Variants in WDPCP observed in about 807,000 individuals in gnomAD.
WDPCP encodes WD repeat-containing and planar cell polarity effector protein fritz homolog.
A neutral mutation model predicts 93.1 loss-of-function variants in WDPCP; 71 were observed. That is an observed-to-expected ratio of 0.76 (90% CI 0.63 to 0.93). WDPCP has a LOEUF of 0.93. WDPCP is among the 40% of genes least tolerant of loss of function. The pLI is 0.00. For synonymous variants in WDPCP, 315 were observed against 315.0 expected, an observed-to-expected ratio of 1.00 and a Z score of 0.00; for missense variants, 844 against 887.4, an observed-to-expected ratio of 0.95 and a Z score of 0.62.
At chr2:63,498,886 AAG>A (rs1701382034) in intron 1 of WDPCP, among the ~76,000 whole-genome samples, 1 of 152,244 alleles carries the variant, frequency 6.6e-6, no homozygotes, top group African/African-American at 2.4e-5. Context: ...ATATGAGCAG[AAG>A]ACTGCAAAGA....
At chr2:63,776,277 A>T (rs998143713) in intron 2 of WDPCP, among the ~76,000 whole-genome samples, 1 of 152,142 alleles carries the variant, frequency 6.6e-6, no homozygotes, top group Non-Finnish European at 1.5e-5. Flanking sequence ...AGAATACATG[A>T]AGAACTATTG....
At position 63,732,118 on chromosome 2, in the gene WDPCP, A is replaced by C. The variant is rs571410539; in HGVS notation, n.309-81280T>G. ...ATGGTGTGTAGACACTCTTACAATA[A>C]AGTAGAAGCCAAATCCAAGACACAG... On this transcript the variant is annotated intron_variant and non_coding_transcript_variant, in intron 2 of 4. Coordinates refer to the WDPCP transcript ENST00000467687. Among the ~76,000 whole-genome samples, 7 of 152,330 alleles carry C rather than the reference A, an allele frequency of 4.6e-5. No homozygotes were observed. The South Asian group carries it at 1.5e-3, about 32-fold the overall frequency.
intron 2 of WDPCP, among the ~76,000 whole-genome samples, chr2:63,748,424 T>A (rs533675403): frequency 1.3e-5 from 2 of 152,178 alleles, no homozygotes; most frequent in South Asian, 2.1e-4. Context: ...GTTAACTAGA[T>A]GTTTTTATTA....
At chr2:63,210,192 C>T (rs1453177826) in intron 14 of WDPCP, among the ~76,000 whole-genome samples, 5 of 151,900 alleles carry the variant, frequency 3.3e-5, no homozygotes, top group Admixed American at 6.6e-5. Context: ...CTAATATAGG[C>T]TGTTAGGTTT....
intron 3 of WDPCP, among the ~76,000 whole-genome samples, chr2:63,599,011 A>G (rs762479842): frequency 2.0e-5 from 3 of 151,844 alleles, no homozygotes; most frequent in Non-Finnish European, 2.9e-5. Flanking sequence ...AAAGATTTTT[A>G]TAACTTAAAA....
chr2:63,503,980 C>G (rs1442268553), intron 1 of WDPCP, among the ~76,000 whole-genome samples: 1 of 151,684 alleles, frequency 6.6e-6, no homozygotes, highest in Non-Finnish European at 1.5e-5. Flanking sequence ...TGGCCCGCAG[C>G]TATACCACCT....
chr2:63,489,437 G>T (rs1246043405), intron 2 of WDPCP, among the ~76,000 whole-genome samples: 1 of 152,134 alleles, frequency 6.6e-6, no homozygotes, highest in African/African-American at 2.4e-5. Flanking sequence ...CCACTGAGAG[G>T]GCCTGGGAGC....
At chr2:63,437,797 C>G in intron 7 of WDPCP, 6 of 1,493,862 alleles carry the variant, frequency 4.0e-6, no homozygotes, top group Non-Finnish European at 5.5e-6. Flanking sequence ...ATTTGGGGAC[C>G]ACCAATGGAT....
At chr2:63,452,731 G>A (rs568851475) in intron 6 of WDPCP, among the ~76,000 whole-genome samples, 2 of 152,164 alleles carry the variant, frequency 1.3e-5, no homozygotes, top group African/African-American at 2.4e-5. Flanking sequence ...TATGGTACTG[G>A]TACCAAAACA....
intron 3 of WDPCP, chr2:63,597,187 A>C (rs899562495): frequency 5.4e-5 from 40 of 743,918 alleles, no homozygotes; most frequent in Non-Finnish European, 6.4e-5. Context: ...GTAATTATTG[A>C]AACAGGAAAA....
chr2:63,281,655 T>C (rs1424621110), intron 13 of WDPCP, among the ~76,000 whole-genome samples: 1 of 152,194 alleles, frequency 6.6e-6, no homozygotes, highest in Non-Finnish European at 1.5e-5. Context: ...TAAAAAGGAA[T>C]TGAATAATGG....
Position 63,733,302 on chromosome 2 carries a change from C to T in WDPCP, n.308+80320G>A, listed in dbSNP as rs556263774. ...GCAAGCTCCGCTTCCCGGGTTCACG[C>T]CATTCTCCTGCCTCAGCCTCCCGAG... On this transcript the variant is annotated intron_variant and non_coding_transcript_variant, in intron 2 of 4. Coordinates refer to the WDPCP transcript ENST00000467687. Among the ~76,000 whole-genome samples the T allele has an allele frequency of 1.2e-3, 172 of 147,838 alleles. 2 individuals carry two copies. The highest frequency in any genetic ancestry group is 2.5e-3 in the Admixed American group (37 of 14,948).
chr2:63,589,572 T>TAAA (rs1709116863), upstream of WDPCP, among the ~76,000 whole-genome samples: 1 of 152,248 alleles, frequency 6.6e-6, no homozygotes, highest in Non-Finnish European at 1.5e-5. Context: ...TTTCTCAAAA[T>TAAA]GTTATTTGGA....
upstream of WDPCP, among the ~76,000 whole-genome samples, chr2:63,831,336 C>G (rs1192107136): frequency 6.6e-6 from 1 of 152,148 alleles, no homozygotes; most frequent in Non-Finnish European, 1.5e-5. Flanking sequence ...CCATTCTGCA[C>G]TTATTCATTT....
chr2:63,492,821 T>C (rs1476047192), intron 2 of WDPCP, 35 bp downstream of exon 2: 2 of 1,584,322 alleles, frequency 1.3e-6, no homozygotes, highest in Non-Finnish European at 1.7e-6. Flanking sequence ...GTAACATATT[T>C]GAAAAATATT....
intron 3 of WDPCP, among the ~76,000 whole-genome samples, chr2:63,611,037 G>A (rs1709607827): frequency 6.6e-6 from 1 of 152,148 alleles, no homozygotes; most frequent in East Asian, 1.9e-4. Flanking sequence ...AGCAGAGGTT[G>A]CAAAGAACTG....
intron 2 of WDPCP, among the ~76,000 whole-genome samples, chr2:63,760,613 G>A (rs1408293217): frequency 1.3e-5 from 2 of 151,972 alleles, no homozygotes; most frequent in Non-Finnish European, 2.9e-5. Flanking sequence ...ACTGACCTGG[G>A]ACCCTGATTA....
chr2:63,629,513 A>C (rs1312602099), intron 3 of WDPCP, among the ~76,000 whole-genome samples: 1 of 152,196 alleles, frequency 6.6e-6, no homozygotes, highest in African/African-American at 2.4e-5. Context: ...CCTACATGCT[A>C]TGTGGTATCA....
At chr2:63,498,670 T>A (rs1701370173) in intron 1 of WDPCP, among the ~76,000 whole-genome samples, 1 of 152,240 alleles carries the variant, frequency 6.6e-6, no homozygotes, top group South Asian at 2.1e-4. Flanking sequence ...ACCTGTACTC[T>A]GCCCGGGTAA....
Sources: gnomAD v4.1 joint callset for allele counts (sites outside exome capture counted in the v4.1 genomes callset) on GRCh38, gnomAD v4.1.1 for gene constraint, MANE v1.5 for transcripts, NCBI Gene and HGNC (gene_info 2026-07-23, HGNC 2026-07-21) for gene names.